Variants in ARHGEF10 observed in about 807,000 individuals in gnomAD.
The protein encoded by ARHGEF10 is Rho guanine nucleotide exchange factor (GEF) 10.
A neutral mutation model predicts 147.4 loss-of-function variants in ARHGEF10; 140 were observed. The observed-to-expected ratio is 0.95, with a 90% confidence interval of 0.83 to 1.09. The LOEUF (loss-of-function observed/expected upper bound fraction) is 1.09. ARHGEF10 is among the 50% of genes least tolerant of loss of function. ARHGEF10 has a pLI of 0.00. For synonymous variants in ARHGEF10, 902 were observed against 695.8 expected, an observed-to-expected ratio of 1.30 and a Z score of -4.67; for missense variants, 2,222 against 1,752.7, an observed-to-expected ratio of 1.27 and a Z score of -4.78.
intron 16 of ARHGEF10, 61 bp downstream of exon 16, chr8:1,903,512 G>C (rs746586944): frequency 5.4e-5 from 86 of 1,592,452 alleles, no homozygotes; most frequent in Non-Finnish European, 6.9e-5. Context: ...CTAATAAGCT[G>C]TCGTTGTCCA....
intron 2 of ARHGEF10, among the ~76,000 whole-genome samples, chr8:1,852,971 G>A (rs930994085): frequency 2.0e-5 from 3 of 152,252 alleles, no homozygotes; most frequent in African/African-American, 7.2e-5. Flanking sequence ...AAGTGCAGCT[G>A]TGGCCAGAGG....
chr8:1,945,919 G>GCTGGGAGGAGCCACGT, intron 27 of ARHGEF10: 1 of 615,822 alleles, frequency 1.6e-6, no homozygotes. Context: ...GGAGCCGCGT[G>GCTGGGAGGAGCCACGT]GCAGTGCCAT....
At chr8:1,938,902 G>A (rs1419017007) in intron 26 of ARHGEF10, among the ~76,000 whole-genome samples, 1 of 148,794 alleles carries the variant, frequency 6.7e-6, no homozygotes. Context: ...CAAACACTGT[G>A]GAATCCCAGT....
rs995387700 is a variant in ARHGEF10 at position 1,866,570 on chromosome 8, C to T, written c.590C>T (p.Ala197Val). 9 of 1,607,964 alleles carry T rather than the reference C, an allele frequency of 5.6e-6. No homozygotes were observed. The highest frequency in any genetic ancestry group is 7.6e-6 in the Non-Finnish European group (9 of 1,179,964). The change falls in exon 6 of 29, where the codon GCC becomes GTC. Residue 197 changes from alanine to valine, a missense_variant. Coordinates refer to ENST00000349830, the MANE Select transcript of ARHGEF10 (RefSeq NM_014629.4). The stretch of plus-strand genomic sequence containing the variant: ...GAGGACAGCGCACTTGCCCGCTGGG[C>T]CGCAGACCCGGCCAACACAGCCTGG... ...GREDSALARW[A>V]ADPANTAWME...
At chr8:1,921,997 T>C (rs1438442109) in intron 18 of ARHGEF10, among the ~76,000 whole-genome samples, 2 of 152,182 alleles carry the variant, frequency 1.3e-5, no homozygotes, top group African/African-American at 4.8e-5. Context: ...AGCGTATTAC[T>C]GCATATTGCT....
At chr8:1,951,012 C>A (rs1252182645) in intron 27 of ARHGEF10, among the ~76,000 whole-genome samples, 1 of 152,230 alleles carries the variant, frequency 6.6e-6, no homozygotes, top group Non-Finnish European at 1.5e-5. Context: ...CAGTATCTCA[C>A]ATCCCTGCTC....
intron 26 of ARHGEF10, among the ~76,000 whole-genome samples, chr8:1,936,387 T>C (rs1251796242): frequency 2.0e-5 from 3 of 152,148 alleles, no homozygotes; most frequent in African/African-American, 4.8e-5. Context: ...CGGTAGTGCA[T>C]GCCTGTAGGA....
intron 1 of ARHGEF10, among the ~76,000 whole-genome samples, chr8:1,826,895 G>C (rs1355085635): frequency 1.3e-5 from 2 of 152,242 alleles, no homozygotes; most frequent in African/African-American, 4.8e-5. Flanking sequence ...GTAGCTGTTA[G>C]TCATTCATGA....
chr8:1,928,748 A>G lies in ARHGEF10; in HGVS notation c.2921+98A>G, dbSNP rs191841128. 5.1e-5 allele frequency: 70 copies of G among 1,368,470 alleles called. No individual in the cohort carries two copies. The Admixed American group carries it at 1.3e-3, about 26-fold the overall frequency. 84.8% of individuals were successfully genotyped at this position (1,368,470 alleles called of 1,614,324 possible). A position where few individuals can be genotyped will look rare whatever the true frequency, so the allele number is the denominator to read the frequency against. On this transcript the variant is annotated intron_variant, in intron 24 of 28. Transcript: ENST00000349830. ...TGGAAAGAGTCCTTGACTTTGACTC[A>G]GGAGTAGCCCGTGCAGGAATTAGGG... is the stretch of plus-strand genomic sequence containing the variant.
At chr8:1,843,273 T>C (rs902536792) in intron 1 of ARHGEF10, 80 bp from the exon 2 acceptor site, 2 of 1,085,662 alleles carry the variant, frequency 1.8e-6, no homozygotes, top group Admixed American at 3.9e-5. Flanking sequence ...TTTGCGGGGT[T>C]CTCTGTCGAC....
At chr8:1,918,360 C>T (rs558788044) in intron 18 of ARHGEF10, among the ~76,000 whole-genome samples, 82 of 151,926 alleles carry the variant, frequency 5.4e-4, no homozygotes, top group African/African-American at 2.0e-3. Flanking sequence ...TTCCATGGTC[C>T]GTAAGGTCGA....
chr8:1,927,847 G>T (rs1812804667), intron 23 of ARHGEF10, among the ~76,000 whole-genome samples: 1 of 152,108 alleles, frequency 6.6e-6, no homozygotes, highest in African/African-American at 2.4e-5. Flanking sequence ...AGGCTGAGGT[G>T]GCAGAATCGC....
At chr8:1,916,047 C>T (rs1314133854) in intron 18 of ARHGEF10, among the ~76,000 whole-genome samples, 2 of 152,220 alleles carry the variant, frequency 1.3e-5, no homozygotes, top group African/African-American at 4.8e-5. Context: ...AGATGAGTGC[C>T]ATGCCTGTGT....
intron 3 of ARHGEF10, among the ~76,000 whole-genome samples, 180 bp from the exon 4 acceptor site, chr8:1,859,717 G>A (rs1310907073): frequency 6.6e-6 from 1 of 152,208 alleles, no homozygotes; most frequent in East Asian, 1.9e-4. Context: ...CAGAGGTGAT[G>A]CTGGGTTCCC....
chr8:1,847,570 C>T (rs143929012), intron 2 of ARHGEF10, among the ~76,000 whole-genome samples: 6 of 152,026 alleles, frequency 3.9e-5, no homozygotes, highest in South Asian at 4.2e-4. Context: ...ACACTGGCAT[C>T]GTCTCTGGGG....
chr8:1,933,705 C>T (rs548447466), intron 25 of ARHGEF10, 95 bp from the exon 26 acceptor site: 41 of 1,450,470 alleles, frequency 2.8e-5, no homozygotes, highest in East Asian at 9.1e-5. Context: ...GGTGATCCTT[C>T]GGGTGTCAGT....
intron 1 of ARHGEF10, among the ~76,000 whole-genome samples, chr8:1,832,901 C>CAGAAGGAG (rs1803280898): frequency 3.2e-5 from 2 of 62,028 alleles, no homozygotes; most frequent in Admixed American, 1.7e-4. Flanking sequence ...GACGCAGAGA[C>CAGAAGGAG]AGAGAGACAG....
chr8:1,889,865 A>G (rs539944259), intron 11 of ARHGEF10, among the ~76,000 whole-genome samples: 15 of 135,796 alleles, frequency 1.1e-4, no homozygotes, highest in African/African-American at 3.1e-4. Context: ...GGAGACACTG[A>G]GTGTGGTGAG....
chr8:1,825,840 A>C (rs1184241509), intron 1 of ARHGEF10, among the ~76,000 whole-genome samples: 1 of 152,256 alleles, frequency 6.6e-6, no homozygotes. Context: ...CGGACTGGTC[A>C]GTATTCTAGA....
Sources: allele counts gnomAD v4.1 joint callset (sites outside exome capture counted in the v4.1 genomes callset), GRCh38; gene constraint gnomAD v4.1.1; transcripts MANE v1.5; gene names NCBI Gene and HGNC (gene_info 2026-07-23, HGNC 2026-07-21).